Variants in CDK17 observed in about 807,000 individuals in gnomAD.
CDK17 encodes the protein cyclin-dependent kinase 17.
A neutral mutation model predicts 77.6 loss-of-function variants in CDK17; 24 were observed. The ratio of observed to expected loss-of-function variants is 0.31; its 90% CI spans 0.22 to 0.44. The LOEUF is 0.44. Among genes scored for constraint, CDK17 ranks in the 20% least tolerant of loss-of-function variants. CDK17 has a pLI of 1.00. For synonymous variants in CDK17, 203 were observed against 210.4 expected, an observed-to-expected ratio of 0.96 and a Z score of 0.30; for missense variants, 429 against 622.5, an observed-to-expected ratio of 0.69 and a Z score of 3.31.
At chr12:96,314,378 A>T (rs12823156) in intron 3 of CDK17, among the ~76,000 whole-genome samples, 8 of 147,716 alleles carry the variant, frequency 5.4e-5, no homozygotes, top group Admixed American at 2.0e-4. Context: ...ATTTTATTTT[A>T]TTTTTTTTGT....
chr12:96,314,551 A>G (rs1952683227), intron 3 of CDK17, among the ~76,000 whole-genome samples: 1 of 152,148 alleles, frequency 6.6e-6, no homozygotes, highest in Non-Finnish European at 1.5e-5. Flanking sequence ...CTGCAACTTC[A>G]GGAATCCACC....
chr12:96,369,165 AG>A (rs1037325500), intron 1 of CDK17, among the ~76,000 whole-genome samples: 1 of 152,136 alleles, frequency 6.6e-6, no homozygotes, highest in African/African-American at 2.4e-5. Flanking sequence ...AGAAAAAAAA[AG>A]TATATATCTA....
Position 96,286,040 on chromosome 12 carries a change from T to A in CDK17, c.1322+3A>T. The A allele has an allele frequency of 2.7e-6, 4 of 1,489,688 alleles. No homozygotes were observed. Among genetic ancestry groups the A allele is most frequent in the Non-Finnish European group, 3.7e-6 (4 of 1,076,062 alleles). 92.3% of individuals were successfully genotyped at this position (1,489,688 alleles called of 1,614,324 possible). On this transcript the variant is annotated splice_donor_region_variant and intron_variant, in intron 13 of 16. Coordinates refer to ENST00000261211, the MANE Select transcript of CDK17 (RefSeq NM_002595.5). Reference sequence around the variant, plus strand: ...CCCCCTTTCACATAAGAAAAAAAAATACCTGGGTGCGTGGTTAATTAGAGG... The same window carrying A: ...CCCCCTTTCACATAAGAAAAAAAAAAACCTGGGTGCGTGGTTAATTAGAGG...
intron 5 of CDK17, among the ~76,000 whole-genome samples, chr12:96,306,135 T>C (rs73227396): frequency 0.22 from 32,751 of 152,136 alleles, 4,399 homozygotes; most frequent in Middle Eastern, 0.33. Context: ...CTATGCGAGA[T>C]TGATGACCAT....
chr12:96,377,400 C>T (rs1258486540), intron 1 of CDK17, among the ~76,000 whole-genome samples: 1 of 152,064 alleles, frequency 6.6e-6, no homozygotes, highest in African/African-American at 2.4e-5. Flanking sequence ...ACAGAAAATT[C>T]CTGAAAACAA....
At chr12:96,333,390 C>T (rs1194294855) in intron 2 of CDK17, among the ~76,000 whole-genome samples, 2 of 152,046 alleles carry the variant, frequency 1.3e-5, no homozygotes, top group Non-Finnish European at 2.9e-5. Context: ...CAAGGCCAGG[C>T]GTGGTGGCTC....
At chr12:96,330,761 T>A (rs1952955205) in intron 2 of CDK17, among the ~76,000 whole-genome samples, 1 of 152,232 alleles carries the variant, frequency 6.6e-6, no homozygotes, top group African/African-American at 2.4e-5. Flanking sequence ...TTGATGGGCA[T>A]CTGGGTTGTT....
intron 1 of CDK17, among the ~76,000 whole-genome samples, chr12:96,394,111 T>C (rs951227283): frequency 6.6e-6 from 1 of 151,734 alleles, no homozygotes; most frequent in Non-Finnish European, 1.5e-5. Context: ...CTGGACATGG[T>C]GGTGCACGCC....
rs532174152 is a variant in CDK17 at position 96,367,537 on chromosome 12, C to T, written c.-30+32449G>A. Among the ~76,000 whole-genome samples the T allele has an allele frequency of 7.2e-5, 11 of 152,026 alleles. No individual in the cohort carries two copies. The East Asian group carries it at 1.7e-3, about 24-fold the overall frequency. On this transcript the variant is annotated intron_variant, in intron 1 of 16. Coordinates refer to ENST00000261211, the MANE Select transcript of CDK17 (RefSeq NM_002595.5). Reference sequence around the variant, plus strand: ...GATTCAGAACTATTATTTAATATTACTCTCAGTTATGAATGGGAGAAAAGA... The same window carrying T: ...GATTCAGAACTATTATTTAATATTATTCTCAGTTATGAATGGGAGAAAAGA...
At position 96,286,718 on chromosome 12, in the gene CDK17, A is replaced by C; in HGVS notation, c.1162T>G (p.Leu388Val). ...IFFEMASGRP[L>V]FPGSTVEDEL... ...TCTTCCACGGTTGATCCTGGAAATA[A>C]AGGTCTTCCAGAAGCCATTTCAAAG... Residue 388 changes from leucine (L) to valine (V), a missense_variant, in exon 12 of 17, where the codon TTA (leucine) becomes GTA (valine). By Grantham distance (32) the Leu-to-Val change is conservative. Transcript: ENST00000261211. 6.2e-7 allele frequency: 1 copy of C among 1,613,518 alleles called. No individual in the cohort carries two copies. The highest frequency in any genetic ancestry group is 8.5e-7 in the Non-Finnish European group (1 of 1,179,628).
Position 96,352,215 on chromosome 12 carries a change from T to C in CDK17, c.-29-17350A>G, listed in dbSNP as rs1464437012. Among the ~76,000 whole-genome samples, 3 of 152,008 alleles carry C rather than the reference T, an allele frequency of 2.0e-5. No homozygotes were observed. The East Asian group carries it at 5.8e-4, about 29-fold the overall frequency. Reference sequence around the variant, plus strand: ...ATCCCTTCCAAGTATTGAAGCTGAATAAGGGAAGGTGAGGCGATGGGACCA... The same window carrying C: ...ATCCCTTCCAAGTATTGAAGCTGAACAAGGGAAGGTGAGGCGATGGGACCA... On this transcript the variant is annotated intron_variant, in intron 1 of 16. Coordinates refer to ENST00000261211, the MANE Select transcript of CDK17 (RefSeq NM_002595.5).
At chr12:96,327,113 G>GAC (rs1344752674) in intron 2 of CDK17, among the ~76,000 whole-genome samples, 20 of 152,266 alleles carry the variant, frequency 1.3e-4, no homozygotes, top group Admixed American at 9.2e-4. Context: ...GTGAGGACAT[G>GAC]ACACAGAACT....
At chr12:96,384,805 C>G (rs1278768544) in intron 1 of CDK17, among the ~76,000 whole-genome samples, 2 of 152,026 alleles carry the variant, frequency 1.3e-5, no homozygotes, top group African/African-American at 2.4e-5. Flanking sequence ...TGCTTGAGCC[C>G]AGGAGTTCAA....
At chr12:96,295,587 G>A (rs1348012971) in intron 9 of CDK17, among the ~76,000 whole-genome samples, 1 of 151,598 alleles carries the variant, frequency 6.6e-6, no homozygotes, top group African/African-American at 2.4e-5. Context: ...TTAAAATAAG[G>A]CACTGGAATT....
intron 10 of CDK17, among the ~76,000 whole-genome samples, chr12:96,291,259 C>T (rs1952320349): frequency 6.6e-6 from 1 of 152,018 alleles, no homozygotes; most frequent in African/African-American, 2.4e-5. Context: ...ATTTAAAGCA[C>T]TCAGAGTATT....
At chr12:96,389,686 T>C (rs1222096193) in intron 1 of CDK17, among the ~76,000 whole-genome samples, 3 of 152,218 alleles carry the variant, frequency 2.0e-5, no homozygotes, top group Non-Finnish European at 4.4e-5. Flanking sequence ...AAAAAGGCAC[T>C]GACTCCCACA....
chr12:96,280,565 T>C (rs535292787), intron 16 of CDK17: 31 of 1,414,202 alleles, frequency 2.2e-5, no homozygotes, highest in East Asian at 1.3e-4. Flanking sequence ...TAAAAGGTCT[T>C]TGTGCCATCT....
chr12:96,391,601 G>A (rs944347888), intron 1 of CDK17, among the ~76,000 whole-genome samples: 11 of 151,812 alleles, frequency 7.2e-5, no homozygotes, highest in Non-Finnish European at 1.5e-4. Flanking sequence ...AGTTTTTTTC[G>A]GTTAAACCAA....
rs149595808 is a variant in CDK17 at position 96,341,344 on chromosome 12, C to CACGT, written c.-29-6480_-29-6479insACGT. On this transcript the variant is annotated intron_variant, in intron 1 of 16. Transcript: ENST00000261211. ...ACACACACACACACACACACACACACGTCTCATATATGTACGTGTGTGTAC... is the reference window on the plus strand; with the variant it reads ...ACACACACACACACACACACACACACACGTGTCTCATATATGTACGTGTGTGTAC... Among the ~76,000 whole-genome samples the CACGT allele has an allele frequency of 7.4e-3, 1,115 of 149,824 alleles. 6 individuals are homozygous for CACGT. Among genetic ancestry groups the CACGT allele is most frequent in the Non-Finnish European group, 0.011 (756 of 67,532 alleles).
Sources: allele counts gnomAD v4.1 joint callset (sites outside exome capture counted in the v4.1 genomes callset), GRCh38; gene constraint gnomAD v4.1.1; transcripts MANE v1.5; gene names NCBI Gene and HGNC (gene_info 2026-07-23, HGNC 2026-07-21).